Variants in BICD1 observed in about 807,000 individuals in gnomAD.
BICD1 encodes BICD cargo adaptor 1, also known as protein bicaudal D homolog 1.
A neutral mutation model predicts 92.5 loss-of-function variants in BICD1; 35 were observed. The observed-to-expected ratio is 0.38, with a 90% confidence interval of 0.29 to 0.50. The LOEUF is 0.50. BICD1 is among the 20% of genes least tolerant of loss of function. The probability of loss-of-function intolerance (pLI) is 0.93; values close to 1 mark genes in which losing one functional copy is unlikely to be tolerated. For synonymous variants in BICD1, 429 were observed against 465.1 expected, an observed-to-expected ratio of 0.92 and a Z score of 1.00; for missense variants, 950 against 1,189.8, an observed-to-expected ratio of 0.80 and a Z score of 2.97.
At chr12:32,265,707 G>A (rs1427608436) in intron 2 of BICD1, among the ~76,000 whole-genome samples, 2 of 137,754 alleles carry the variant, frequency 1.5e-5, no homozygotes, top group East Asian at 4.1e-4. Context: ...GTGACACAGC[G>A]AGATCCTATT....
At chr12:32,235,342 C>G (rs942196448) in intron 2 of BICD1, among the ~76,000 whole-genome samples, 1 of 152,198 alleles carries the variant, frequency 6.6e-6, no homozygotes, top group Non-Finnish European at 1.5e-5. Context: ...GATAATGAAA[C>G]TAGGCCTGAA....
intron 1 of BICD1, among the ~76,000 whole-genome samples, chr12:32,166,001 C>A (rs370646086): frequency 1.3e-5 from 2 of 152,072 alleles, no homozygotes; most frequent in African/African-American, 4.8e-5. Flanking sequence ...CCATGTTGAT[C>A]ATACTATGAA....
intron 1 of BICD1, among the ~76,000 whole-genome samples, chr12:32,183,300 G>A (rs548573164): frequency 2.5e-4 from 37 of 146,658 alleles, no homozygotes; most frequent in Admixed American, 1.0e-3. Context: ...TTGAGACAGA[G>A]TCTTGCTCTG....
chr12:32,282,067 T>C (rs940661559), intron 2 of BICD1, among the ~76,000 whole-genome samples: 5 of 152,102 alleles, frequency 3.3e-5, no homozygotes, highest in African/African-American at 1.2e-4. Context: ...GGAATGGTCT[T>C]AGAAAGCTGC....
intron 3 of BICD1, among the ~76,000 whole-genome samples, chr12:32,299,667 G>A (rs2136205800): frequency 6.6e-6 from 1 of 152,064 alleles, no homozygotes; most frequent in East Asian, 1.9e-4. Context: ...ACCAGCTTGG[G>A]CAACATAGTG....
chr12:32,160,073 C>T (rs899638463), intron 1 of BICD1, among the ~76,000 whole-genome samples: 5 of 119,928 alleles, frequency 4.2e-5, no homozygotes, highest in Middle Eastern at 4.2e-3. Context: ...CCTTAGATGA[C>T]GCATATGGCA....
At position 32,327,839 on chromosome 12, in the gene BICD1, T is replaced by G. The variant is rs1182305653; in HGVS notation, c.1384T>G (p.Tyr462Asp). Residue 462 changes from tyrosine to aspartate, a missense_variant, in exon 5 of 10, where the codon TAT (tyrosine) becomes GAT (aspartate). By Grantham distance (160) the Tyr-to-Asp change is radical (BLOSUM62 -3). Coordinates refer to ENST00000652176, the MANE Select transcript of BICD1 (RefSeq NM_001714.4). ...CAAGTATGAGAGTAAAATCCAGATG[T>G]ATGATGAGCAGGTGACAAGCCTTGA... is the stretch of plus-strand genomic sequence containing the variant. ...KAKYESKIQM[Y>D]DEQVTSLEKT... The G allele has an allele frequency of 6.2e-7, 1 of 1,613,942 alleles. No individual in the cohort carries two copies. Among genetic ancestry groups the G allele is most frequent in the Non-Finnish European group, 8.5e-7 (1 of 1,180,012 alleles).
intron 1 of BICD1, among the ~76,000 whole-genome samples, chr12:32,201,662 G>A (rs1387977230): frequency 6.6e-6 from 1 of 151,420 alleles, no homozygotes; most frequent in Non-Finnish European, 1.5e-5. Context: ...TAATGATAAA[G>A]ACACTCATTG....
chr12:32,151,610 T>C (rs539261033), intron 1 of BICD1, among the ~76,000 whole-genome samples: 2 of 152,330 alleles, frequency 1.3e-5, no homozygotes, highest in East Asian at 3.9e-4. Flanking sequence ...TATTGGGTGA[T>C]GACCAAACAC....
At chr12:32,299,003 A>G (rs1947960069) in intron 3 of BICD1, among the ~76,000 whole-genome samples, 1 of 152,180 alleles carries the variant, frequency 6.6e-6, no homozygotes, top group Admixed American at 6.6e-5. Context: ...TTTTAGAGAC[A>G]AAAGATACAG....
intron 2 of BICD1, among the ~76,000 whole-genome samples, chr12:32,254,147 G>A (rs1347873916): frequency 1.4e-5 from 2 of 144,838 alleles, no homozygotes; most frequent in African/African-American, 5.2e-5. Context: ...TATCCCACCT[G>A]CCATAATCAC....
intron 1 of BICD1, among the ~76,000 whole-genome samples, chr12:32,165,964 C>T (rs1283712773): frequency 6.6e-6 from 1 of 151,860 alleles, no homozygotes; most frequent in Non-Finnish European, 1.5e-5. Context: ...CTGTGAATTA[C>T]GAAAAAGGCC....
chr12:32,210,536 G>A (rs1424848932), intron 1 of BICD1, among the ~76,000 whole-genome samples: 1 of 152,084 alleles, frequency 6.6e-6, no homozygotes. Context: ...GTAAGTAGAA[G>A]GAGAAAACAA....
chr12:32,338,797 C>T lies in BICD1; in HGVS notation c.2582C>T (p.Pro861Leu). The T allele has an allele frequency of 6.3e-7, 1 of 1,577,744 alleles. No homozygotes were observed. The highest frequency in any genetic ancestry group is 8.6e-7 in the Non-Finnish European group (1 of 1,167,246). Residue 861 changes from proline to leucine, a missense_variant, in exon 8 of 10, where the codon CCT becomes CTT. This residue lies in a region of BICD1 where 179 missense variants were observed against 186.7 expected (regional missense o/e 0.96). Transcript: ENST00000652176. ...SGTQRKRQFSPSLCDQSRPRT... is the reference protein window; with the variant it reads ...SGTQRKRQFSLSLCDQSRPRT... ...GGATCTCCTGCAAGACAATTTTCAC[C>T]TTCCCTTTGTGATCAGAGCCGTCCC... is the stretch of plus-strand genomic sequence containing the variant.
chr12:32,187,500 C>T (rs532923123), intron 1 of BICD1, among the ~76,000 whole-genome samples: 79 of 152,078 alleles, frequency 5.2e-4, no homozygotes, highest in African/African-American at 1.7e-3. Context: ...GGTGAAACCC[C>T]GTCTGTACTA....
intron 9 of BICD1, among the ~76,000 whole-genome samples, chr12:32,372,283 C>T (rs1939769989): frequency 6.6e-6 from 1 of 152,116 alleles, no homozygotes; most frequent in African/African-American, 2.4e-5. Context: ...AGTTCGAGAC[C>T]AGCCTGGCCA....
chr12:32,280,791 T>C (rs1319089316), intron 2 of BICD1, among the ~76,000 whole-genome samples: 1 of 152,226 alleles, frequency 6.6e-6, no homozygotes, highest in South Asian at 2.1e-4. Context: ...TTTACAGCCG[T>C]CCAGCCCTAT....
chr12:32,289,672 C>T (rs552837117), intron 2 of BICD1, among the ~76,000 whole-genome samples: 181 of 152,334 alleles, frequency 1.2e-3, no homozygotes, highest in African/African-American at 4.0e-3. Flanking sequence ...CGTAAGCCAC[C>T]GCACCCAGCC....
chr12:32,175,213 A>G (rs1359189968), intron 1 of BICD1, among the ~76,000 whole-genome samples: 1 of 152,254 alleles, frequency 6.6e-6, no homozygotes, highest in Non-Finnish European at 1.5e-5. Context: ...CAAATGAATG[A>G]ATGCATGAAT....
Sources: gnomAD v4.1 joint callset for allele counts (sites outside exome capture counted in the v4.1 genomes callset) on GRCh38, gnomAD v4.1.1 for gene constraint, gnomAD v4.1.1 regional missense constraint, MANE v1.5 for transcripts, NCBI Gene and HGNC (gene_info 2026-07-23, HGNC 2026-07-21) for gene names.